The following MED26 variants were observed in gnomAD, a reference collection of about 807,000 sequenced individuals.
MED26 encodes mediator complex subunit 26.
MED26 carries 7 observed loss-of-function variants against 43.7 expected under a neutral mutation model. That is an observed-to-expected ratio of 0.16 (90% CI 0.09 to 0.30). The LOEUF is 0.30. Among genes scored for constraint, MED26 ranks in the 10% least tolerant of loss-of-function variants. The pLI is 1.00. For synonymous variants in MED26, 375 were observed against 371.1 expected (o/e 1.01, Z -0.12); for missense variants, 784 against 840.6 (o/e 0.93, Z 0.83).
chr19:16,609,606 C>G (rs1175638533), intron 1 of MED26, among the ~76,000 whole-genome samples: 1 of 152,072 alleles, frequency 6.6e-6, no homozygotes, highest in African/African-American at 2.4e-5. Flanking sequence ...TTTTCACCAG[C>G]ACACCACTGT....
At chr19:16,609,259 C>T (rs184611615) in intron 1 of MED26, among the ~76,000 whole-genome samples, 12 of 128,002 alleles carry the variant, frequency 9.4e-5, no homozygotes, top group South Asian at 2.6e-4. Flanking sequence ...TTGCAGCGAG[C>T]GGAGATTGCA....
Position 16,575,823 on chromosome 19 carries a change from A to C in MED26, c.*204T>G. On this transcript the variant is annotated 3_prime_UTR_variant, in exon 3 of 3. Transcript: ENST00000263390. Reference sequence around the variant, plus strand: ...GGTCCTTCTTCGCAATTTTGTTAGTAAACTGGTAGCAGCATTTCACAAAAA... The same window carrying C: ...GGTCCTTCTTCGCAATTTTGTTAGTCAACTGGTAGCAGCATTTCACAAAAA... 3.4e-6 allele frequency: 2 copies of C among 582,110 alleles called. No homozygotes were observed. Among genetic ancestry groups the C allele is most frequent in the Non-Finnish European group, 6.1e-6 (2 of 328,172 alleles). 36.1% of individuals were successfully genotyped at this position (582,110 alleles called of 1,614,324 possible). A position where few individuals can be genotyped will look rare whatever the true frequency, so the allele number is the denominator to read the frequency against.
intron 1 of MED26, among the ~76,000 whole-genome samples, chr19:16,599,683 C>T (rs1220737398): frequency 1.3e-5 from 2 of 152,060 alleles, no homozygotes; most frequent in Non-Finnish European, 2.9e-5. Flanking sequence ...CCAGGCTTAA[C>T]GGATTCCCTC....
At chr19:16,579,722 AGGAGTTAAGCG>A (rs921907164) in intron 1 of MED26, among the ~76,000 whole-genome samples, 25 of 152,218 alleles carry the variant, frequency 1.6e-4, no homozygotes, top group Non-Finnish European at 4.4e-5. Context: ...AACATGATAA[AGGAGTTAAGCG>A]GGCACATGAT....
At chr19:16,590,371 C>T (rs1014740493) in intron 1 of MED26, among the ~76,000 whole-genome samples, 10 of 152,246 alleles carry the variant, frequency 6.6e-5, no homozygotes, top group African/African-American at 2.4e-4. Context: ...CACCTGCCTC[C>T]CTGCTCCACT....
intron 2 of MED26, 77 bp downstream of exon 2, chr19:16,578,258 G>A: frequency 7.6e-7 from 1 of 1,309,232 alleles, no homozygotes. Context: ...GCTCCCAGAA[G>A]CTGCGGAAGG....
At chr19:16,613,764 C>G (rs2086210405) in intron 1 of MED26, among the ~76,000 whole-genome samples, 1 of 152,182 alleles carries the variant, frequency 6.6e-6, no homozygotes, top group African/African-American at 2.4e-5. Context: ...TGCTGCTGTC[C>G]TTGCAACCAT....
Position 16,576,456 on chromosome 19 carries a change from C to T in MED26, c.1374G>A (p.Glu458=), listed in dbSNP as rs143676924. 7.9e-5 allele frequency: 128 copies of T among 1,614,072 alleles called. No individual in the cohort carries two copies. The highest frequency in any genetic ancestry group is 1.1e-4 in the Non-Finnish European group (125 of 1,180,038). Residue 458 remains glutamate (E), a synonymous_variant, in exon 3 of 3, where the codon GAG becomes GAA. Transcript: ENST00000263390. This position sits in a 1 kb window ranked among gnomAD's most constrained non-coding sequence, Gnocchi z 6.8. ...TGGCCTTGGCCTCCTGCTTGTCCAG[C>T]TCTGTCCTGGACTGCTGCTCCATGT... ...PVHMEQQSRT[E]LDKQEAKASL...
rs1414876752 is a variant in MED26, at chr19:16,586,110, T to C, written c.73-7701A>G. 1.3e-5 allele frequency among the ~76,000 whole-genome samples: 2 copies of C among 152,198 alleles called. No homozygotes were observed. Among genetic ancestry groups the C allele is most frequent in the African/African-American group, 2.4e-5 (1 of 41,446 alleles). On this transcript the variant is annotated intron_variant, in intron 1 of 2. Transcript: ENST00000263390. The surrounding 1 kb of genome is among the most constrained non-coding windows in gnomAD (Gnocchi z 5.1). ...CAGCCTCTTGGGAATGCAGCTGTGGTAGCAAAGGGGAAACCCTGTGCTGCC... is the reference window on the plus strand; with the variant it reads ...CAGCCTCTTGGGAATGCAGCTGTGGCAGCAAAGGGGAAACCCTGTGCTGCC...
chr19:16,603,035 G>A (rs767579586), intron 1 of MED26, among the ~76,000 whole-genome samples: 1 of 152,158 alleles, frequency 6.6e-6, no homozygotes, highest in Admixed American at 6.5e-5. Flanking sequence ...AAACACCAGC[G>A]GGACCCTGGC....
intron 1 of MED26, chr19:16,611,755 G>C (rs534075264): frequency 4.6e-5 from 7 of 152,094 alleles, no homozygotes; most frequent in African/African-American, 1.7e-4. Context: ...TCGGCTATAG[G>C]CTATTTGACT....
At chr19:16,624,624 AATC>A (rs1158059483) in intron 1 of MED26, 4 of 152,222 alleles carry the variant, frequency 2.6e-5, no homozygotes, top group African/African-American at 9.6e-5. Flanking sequence ...TAAGTTTGTT[AATC>A]ATCACTTAAC....
At chr19:16,581,194 G>A (rs988333566) in intron 1 of MED26, among the ~76,000 whole-genome samples, 13 of 96,290 alleles carry the variant, frequency 1.4e-4, no homozygotes, top group Non-Finnish European at 1.9e-4. Flanking sequence ...TGGCAACAAC[G>A]GCCTTGCCTT....
chr19:16,576,344 G>A lies in MED26; in HGVS notation c.1486C>T (p.Leu496=). Reference sequence around the variant, plus strand: ...GTCTGCGCGCCCGATGATGAGAGCAGGCTGCTCTGCCGGCTCAGGTAGGAC... The same window carrying A: ...GTCTGCGCGCCCGATGATGAGAGCAAGCTGCTCTGCCGGCTCAGGTAGGAC... ...IQSYLSRQSS[L]LSSSGAQTPG... Residue 496 remains leucine (L), a synonymous_variant, in exon 3 of 3, where the codon CTG becomes TTG. Coordinates refer to ENST00000263390, the MANE Select transcript of MED26 (RefSeq NM_004831.5). The surrounding 1 kb of genome is among the most constrained non-coding windows in gnomAD (Gnocchi z 6.8). 6.2e-7 allele frequency: 1 copy of A among 1,613,932 alleles called. No individual in the cohort carries two copies. The highest frequency in any genetic ancestry group is 1.3e-5 in the African/African-American group (1 of 74,924).
In MED26 at chr19:16,576,050, G is replaced by C; in HGVS notation, c.1780C>G (p.Leu594Val). ...PHGDDGRLNI[L>V]PYVCLD ...GGTCAGTCCAAGCAGACATAAGGCA[G>C]AATGTTCAAGCGCCCGTCGTCGCCG... Residue 594 changes from leucine (L) to valine (V), a missense_variant, in exon 3 of 3, where the codon CTG becomes GTG. By Grantham distance (32) the Leu-to-Val change is conservative (BLOSUM62 1). Transcript: ENST00000263390. This position sits in a 1 kb window ranked among gnomAD's most constrained non-coding sequence, Gnocchi z 6.8. The C allele has an allele frequency of 6.2e-7, 1 of 1,613,442 alleles. No individual in the cohort carries two copies.
intron 2 of MED26, 80 bp downstream of exon 2, chr19:16,578,255 G>C (rs776550078): frequency 7.7e-7 from 1 of 1,296,050 alleles, no homozygotes. Context: ...GATGCTCCCA[G>C]AAGCTGCGGA....
chr19:16,577,569 T>G lies in MED26; in HGVS notation c.261A>C (p.Ala87=), dbSNP rs1351006667. The G allele has an allele frequency of 1.2e-6, 2 of 1,609,746 alleles. No individual in the cohort carries two copies. The highest frequency in any genetic ancestry group is 1.7e-6 in the Non-Finnish European group (2 of 1,177,032). The change falls in exon 3 of 3, where the codon GCA becomes GCC. Residue 87 remains alanine, a synonymous_variant. Coordinates refer to ENST00000263390, the MANE Select transcript of MED26 (RefSeq NM_004831.5). This position sits in a 1 kb window ranked among gnomAD's most constrained non-coding sequence, Gnocchi z 8.1. ...LRSWQKLIEP[A]HQHEAALRGL... ...CCCGCAGCGCCGCCTCATGCTGGTGTGCCGGCTCGATGAGCTTCTGCCAGC... is the reference window on the plus strand; with the variant it reads ...CCCGCAGCGCCGCCTCATGCTGGTGGGCCGGCTCGATGAGCTTCTGCCAGC...
chr19:16,627,024 T>G (rs569814890), intron 1 of MED26, among the ~76,000 whole-genome samples: 80 of 146,528 alleles, frequency 5.5e-4, no homozygotes, highest in African/African-American at 1.9e-3. Context: ...GAAGCGACAC[T>G]CTGGAGTTAA....
chr19:16,627,606 G>A (rs946253098), intron 1 of MED26, among the ~76,000 whole-genome samples: 1 of 152,226 alleles, frequency 6.6e-6, no homozygotes, highest in Non-Finnish European at 1.5e-5. Flanking sequence ...AGCAGAAAGG[G>A]AGGAAAAACT....
Sources: allele counts gnomAD v4.1 joint callset (sites outside exome capture counted in the v4.1 genomes callset), GRCh38; gene constraint gnomAD v4.1.1; non-coding constraint Gnocchi (gnomAD v3.1); transcripts MANE v1.5; gene names NCBI Gene and HGNC (gene_info 2026-07-23, HGNC 2026-07-21).